CCDC170: variants seen among roughly 807,000 people sequenced by gnomAD.
CCDC170 encodes the protein coiled-coil domain containing 170, also known as coiled-coil domain-containing protein 170.
A neutral mutation model predicts 72.6 loss-of-function variants in CCDC170; 69 were observed. The ratio of observed to expected loss-of-function variants is 0.95; its 90% CI spans 0.78 to 1.16. CCDC170 has a LOEUF of 1.16. CCDC170 is among the 50% of genes most tolerant of loss of function. The pLI is 0.00. For missense variants in CCDC170, 852 were observed against 832.5 expected (o/e 1.02, Z -0.29); for synonymous variants, 300 against 303.9 (o/e 0.99, Z 0.13).
chr6:151,612,820 C>A (rs976596021), intron 9 of CCDC170, among the ~76,000 whole-genome samples: 1 of 151,812 alleles, frequency 6.6e-6, no homozygotes, highest in Non-Finnish European at 1.5e-5. Context: ...CTGTTACTTT[C>A]TTACTTGTTT....
In CCDC170 at chr6:151,494,157, C is replaced by T. The variant is rs1206301593; in HGVS notation, c.29C>T (p.Ala10Val). The T allele has an allele frequency of 3.9e-6, 6 of 1,523,532 alleles. No homozygotes were observed. Among genetic ancestry groups the T allele is most frequent in the East Asian group, 2.7e-5 (1 of 37,340 alleles). The allele number at this position is 1,523,532 out of a possible 1,614,324, so 94.4% of individuals were successfully genotyped here. A position where few individuals can be genotyped will look rare whatever the true frequency, so the allele number is the denominator to read the frequency against. ...AGCCTGGACTGCACCAGCCATATCG[C>T]GCTGGGTGCCGCTTCGCCAGCGCCC... Reference protein sequence around the residue: MSLDCTSHIALGAASPAPEE... With the variant: MSLDCTSHIVLGAASPAPEE... Residue 10 changes from alanine to valine, a missense_variant, in exon 1 of 11, where the codon GCG becomes GTG. By Grantham distance (64) the Ala-to-Val change is moderately conservative. Coordinates refer to ENST00000239374, the MANE Select transcript of CCDC170 (RefSeq NM_025059.4).
rs1038229135 is a variant in CCDC170, at chr6:151,521,028, T to C, written c.58-15290T>C. Among the ~76,000 whole-genome samples, 143 of 152,302 alleles carry C rather than the reference T, an allele frequency of 9.4e-4. 1 individual carries two copies. The highest frequency in any genetic ancestry group is 3.4e-3 in the African/African-American group (140 of 41,564). On this transcript the variant is annotated intron_variant, in intron 1 of 10. Transcript: ENST00000239374. ...CTAGGCAGCAGGCAAGGTGAACCCA[T>C]TGGGTGGTTACAAAAATGGCTTGGG...
At chr6:151,514,331 AGGAAGGAGGGAGGGAG>A (rs1168414225) in intron 1 of CCDC170, among the ~76,000 whole-genome samples, 1 of 86,822 alleles carries the variant, frequency 1.2e-5, no homozygotes, top group Non-Finnish European at 2.1e-5. Context: ...AAAGAAAGGA[AGGAAGGAGGGAGGGAG>A]GGAGGGAGGG....
intron 9 of CCDC170, among the ~76,000 whole-genome samples, chr6:151,603,605 C>A (rs561083563): frequency 9.9e-5 from 15 of 152,186 alleles, no homozygotes; most frequent in Non-Finnish European, 2.1e-4. Flanking sequence ...TTAGTTTCAG[C>A]TCAATATATT....
intron 8 of CCDC170, among the ~76,000 whole-genome samples, chr6:151,593,931 A>C (rs1776583450): frequency 6.6e-6 from 1 of 152,200 alleles, no homozygotes; most frequent in African/African-American, 2.4e-5. Flanking sequence ...AAAAATTCAC[A>C]GTTTCTATTA....
chr6:151,553,315 C>T (rs1442613554), intron 5 of CCDC170, among the ~76,000 whole-genome samples: 1 of 152,134 alleles, frequency 6.6e-6, no homozygotes, highest in African/African-American at 2.4e-5. Flanking sequence ...AGCAATAATC[C>T]TCTTTCCATA....
At chr6:151,518,426 A>T (rs927609175) in intron 1 of CCDC170, among the ~76,000 whole-genome samples, 1 of 152,184 alleles carries the variant, frequency 6.6e-6, no homozygotes, top group Non-Finnish European at 1.5e-5. Flanking sequence ...ATTTGTTACC[A>T]GGAAGGAGTC....
chr6:151,592,384 T>C (rs1202749431), intron 7 of CCDC170, among the ~76,000 whole-genome samples: 2 of 151,640 alleles, frequency 1.3e-5, no homozygotes, highest in South Asian at 2.1e-4. Flanking sequence ...AATAAACAAA[T>C]AAATAAATAA....
chr6:151,545,187 A>G (rs1294226976), intron 4 of CCDC170, among the ~76,000 whole-genome samples: 2 of 152,188 alleles, frequency 1.3e-5, no homozygotes, highest in African/African-American at 2.4e-5. Context: ...TGGGAGGCTC[A>G]GGCGGGCAGA....
chr6:151,497,952 C>CAAAAAAAAA (rs59201906), intron 1 of CCDC170, among the ~76,000 whole-genome samples: 31 of 58,022 alleles, frequency 5.3e-4, no homozygotes, highest in East Asian at 2.3e-3. Flanking sequence ...CACACCATCT[C>CAAAAAAAAA]AAAAAAAAAA....
intron 1 of CCDC170, among the ~76,000 whole-genome samples, chr6:151,532,361 C>T (rs6912905): frequency 6.6e-6 from 1 of 152,270 alleles, no homozygotes; most frequent in South Asian, 2.1e-4. Flanking sequence ...AATCACAGCA[C>T]TTTGGGAGGC....
At chr6:151,604,375 C>T (rs1776753850) in intron 9 of CCDC170, among the ~76,000 whole-genome samples, 1 of 152,122 alleles carries the variant, frequency 6.6e-6, no homozygotes, top group Admixed American at 6.6e-5. Context: ...AGCAGATCTC[C>T]AGCAAGAGGC....
intron 5 of CCDC170, among the ~76,000 whole-genome samples, chr6:151,550,075 G>T (rs1338638311): frequency 1.3e-5 from 2 of 152,148 alleles, no homozygotes; most frequent in Admixed American, 6.5e-5. Flanking sequence ...CTTTTCAAAT[G>T]GTCTGCAACC....
chr6:151,499,453 C>T lies in CCDC170; in HGVS notation c.57+5268C>T, dbSNP rs376246896. 6.2e-5 allele frequency among the ~76,000 whole-genome samples: 7 copies of T among 113,360 alleles called. 1 individual carries two copies. Among genetic ancestry groups the T allele is most frequent in the Admixed American group, 3.2e-4 (4 of 12,492 alleles). The allele number at this position is 113,360 out of a possible 152,430, so 74.4% of individuals were successfully genotyped here. On this transcript the variant is annotated intron_variant, in intron 1 of 10. Transcript: ENST00000239374. ...AGACTGTATTTGACTATTCTAGGCA[C>T]GCTGTATAAGTGGAATCAGACTGTA...
intron 5 of CCDC170, among the ~76,000 whole-genome samples, chr6:151,567,925 A>G (rs1776161718): frequency 6.6e-6 from 1 of 151,980 alleles, no homozygotes; most frequent in African/African-American, 2.4e-5. Context: ...AGCCTGACCA[A>G]CACGGTGAAA....
intron 1 of CCDC170, among the ~76,000 whole-genome samples, chr6:151,504,214 T>G (rs939786953): frequency 3.3e-5 from 5 of 152,342 alleles, no homozygotes; most frequent in Admixed American, 2.0e-4. Context: ...TGTAGCACAA[T>G]GTTCTCACAA....
intron 1 of CCDC170, among the ~76,000 whole-genome samples, chr6:151,524,136 G>A (rs1216872909): frequency 2.0e-5 from 3 of 152,170 alleles, no homozygotes; most frequent in African/African-American, 7.2e-5. Context: ...GCACATGTGG[G>A]CGCTTAGCTT....
intron 5 of CCDC170, among the ~76,000 whole-genome samples, chr6:151,566,677 G>A (rs1364674563): frequency 5.3e-5 from 8 of 152,078 alleles, no homozygotes; most frequent in African/African-American, 1.4e-4. Context: ...TTTGTGTGTA[G>A]GAGATTAGTA....
intron 4 of CCDC170, 28 bp downstream of exon 4, chr6:151,544,744 TA>T (rs1782746501): frequency 6.3e-7 from 1 of 1,586,520 alleles, no homozygotes. Context: ...AAAAAGTCTA[TA>T]AATGTAGTGG....
Sources: allele counts gnomAD v4.1 joint callset (sites outside exome capture counted in the v4.1 genomes callset), GRCh38; gene constraint gnomAD v4.1.1; transcripts MANE v1.5; gene names NCBI Gene and HGNC (gene_info 2026-07-23, HGNC 2026-07-21).